Variants in ARHGAP24 observed in about 807,000 individuals in gnomAD.
The protein encoded by ARHGAP24 is Rho GTPase activating protein 24, also known as rho GTPase-activating protein 24.
Under a neutral mutation model 76.4 loss-of-function variants are expected in ARHGAP24, and 50 were observed. The observed-to-expected ratio is 0.65, with a 90% confidence interval of 0.52 to 0.83. ARHGAP24 has a LOEUF of 0.83. ARHGAP24 is among the 40% of genes least tolerant of loss of function. The pLI is 0.00. For missense variants in ARHGAP24, 930 were observed against 914.2 expected (o/e 1.02, Z -0.22); for synonymous variants, 345 against 323.3 (o/e 1.07, Z -0.72).
intron 2 of ARHGAP24, among the ~76,000 whole-genome samples, chr4:85,619,469 A>C (rs1275586467): frequency 2.6e-5 from 4 of 151,796 alleles, no homozygotes; most frequent in Non-Finnish European, 5.9e-5. Flanking sequence ...ATTCCTTATA[A>C]ATTTTAGGAC....
chr4:85,991,991 G>T (rs773118685), intron 8 of ARHGAP24: 11 of 392,686 alleles, frequency 2.8e-5, no homozygotes, highest in Admixed American at 1.3e-4. Context: ...GATGAAAAGT[G>T]CCTATTATGT....
intron 1 of ARHGAP24, among the ~76,000 whole-genome samples, chr4:85,564,970 A>ATATATAT (rs1553914962): frequency 5.2e-5 from 6 of 116,502 alleles, no homozygotes; most frequent in African/African-American, 2.0e-4. Context: ...ATATATATAT[A>ATATATAT]CCCACACCCA....
intron 2 of ARHGAP24, among the ~76,000 whole-genome samples, chr4:85,590,986 T>G (rs1441942974): frequency 6.6e-6 from 1 of 151,130 alleles, no homozygotes; most frequent in African/African-American, 2.4e-5. Context: ...CAAAAATTAT[T>G]TATAATGCCT....
At chr4:85,904,055 A>C (rs1734638840) in intron 3 of ARHGAP24, among the ~76,000 whole-genome samples, 1 of 152,230 alleles carries the variant, frequency 6.6e-6, no homozygotes, top group Non-Finnish European at 1.5e-5. Flanking sequence ...GATCATGTGC[A>C]ATCTCTAATT....
At chr4:85,939,028 G>A (rs932252180) in intron 4 of ARHGAP24, among the ~76,000 whole-genome samples, 8 of 152,030 alleles carry the variant, frequency 5.3e-5, no homozygotes, top group Non-Finnish European at 1.0e-4. Context: ...CCACCGCCTC[G>A]AACAAGCCTT....
chr4:85,835,846 C>T (rs1247762123), intron 3 of ARHGAP24, among the ~76,000 whole-genome samples: 1 of 151,844 alleles, frequency 6.6e-6, no homozygotes, highest in Non-Finnish European at 1.5e-5. Context: ...CCACCATGCC[C>T]GGCTAATTTT....
chr4:85,540,932 T>G (rs893625638), intron 1 of ARHGAP24, among the ~76,000 whole-genome samples: 14 of 126,904 alleles, frequency 1.1e-4, no homozygotes, highest in Middle Eastern at 7.4e-3. Flanking sequence ...AAAGGGAAGG[T>G]TTGTTACTGT....
intron 5 of ARHGAP24, among the ~76,000 whole-genome samples, chr4:85,966,120 T>C (rs780570331): frequency 6.6e-6 from 1 of 152,150 alleles, no homozygotes; most frequent in South Asian, 2.1e-4. Flanking sequence ...CTGACTGGAT[T>C]CTTGGACAAG....
chr4:85,820,960 C>T (rs1275171540), intron 3 of ARHGAP24, among the ~76,000 whole-genome samples: 1 of 151,882 alleles, frequency 6.6e-6, no homozygotes, highest in Non-Finnish European at 1.5e-5. Flanking sequence ...TTGAAAATAA[C>T]AAATATATAA....
At chr4:85,898,039 A>G (rs1366008285) in intron 3 of ARHGAP24, among the ~76,000 whole-genome samples, 14 of 18,254 alleles carry the variant, frequency 7.7e-4, no homozygotes, top group East Asian at 2.0e-3. Context: ...ATGTGTATAT[A>G]TATATATATA....
chr4:85,900,602 T>C (rs1439229422), intron 3 of ARHGAP24, among the ~76,000 whole-genome samples: 2 of 152,048 alleles, frequency 1.3e-5, no homozygotes, highest in Non-Finnish European at 2.9e-5. Context: ...TTTTTTGTAT[T>C]TTTATTAGAG....
At chr4:85,904,893 T>A (rs2148793964) in intron 3 of ARHGAP24, among the ~76,000 whole-genome samples, 1 of 152,334 alleles carries the variant, frequency 6.6e-6, no homozygotes, top group Middle Eastern at 3.4e-3. Flanking sequence ...ATGCTTTTTG[T>A]TGGTGAGTGA....
chr4:85,885,181 C>T (rs888893081), intron 3 of ARHGAP24, among the ~76,000 whole-genome samples: 3 of 152,154 alleles, frequency 2.0e-5, no homozygotes, highest in Non-Finnish European at 4.4e-5. Context: ...AGATTCATTA[C>T]GCTTCCTTTA....
At chr4:85,974,357 T>C (rs1325520113) in intron 6 of ARHGAP24, among the ~76,000 whole-genome samples, 1 of 152,224 alleles carries the variant, frequency 6.6e-6, no homozygotes, top group Non-Finnish European at 1.5e-5. Context: ...ATTTCTGCTA[T>C]CATTTACATT....
intron 1 of ARHGAP24, among the ~76,000 whole-genome samples, chr4:85,539,183 C>A (rs937324760): frequency 2.6e-5 from 4 of 152,116 alleles, no homozygotes; most frequent in Non-Finnish European, 5.9e-5. Context: ...AAACACAAAG[C>A]TACAAGATGG....
intron 3 of ARHGAP24, among the ~76,000 whole-genome samples, chr4:85,727,945 G>GA (rs1401594571): frequency 6.6e-6 from 1 of 150,882 alleles, no homozygotes; most frequent in East Asian, 1.9e-4. Flanking sequence ...AGTAGCCATG[G>GA]AAAAAAATAA....
chr4:85,727,428 C>A (rs1036809303), intron 3 of ARHGAP24, among the ~76,000 whole-genome samples: 1 of 151,908 alleles, frequency 6.6e-6, no homozygotes, highest in Non-Finnish European at 1.5e-5. Flanking sequence ...GATAGAGATG[C>A]CCACTTACAG....
At chr4:85,591,031 G>GTTTTTTTTTTT (rs35373441) in intron 2 of ARHGAP24, among the ~76,000 whole-genome samples, 3 of 62,610 alleles carry the variant, frequency 4.8e-5, no homozygotes, top group African/African-American at 6.8e-5. Flanking sequence ...AATCTGCTGG[G>GTTTTTTTTTTT]TTTTTTTTTT....
intron 3 of ARHGAP24, among the ~76,000 whole-genome samples, chr4:85,918,232 C>T (rs2148806769): frequency 6.6e-6 from 1 of 151,764 alleles, no homozygotes; most frequent in East Asian, 1.9e-4. Flanking sequence ...CACCTATATA[C>T]AAATTGAGAT....
Sources: allele counts gnomAD v4.1 joint callset (sites outside exome capture counted in the v4.1 genomes callset), GRCh38; gene constraint gnomAD v4.1.1; transcripts MANE v1.5; gene names NCBI Gene and HGNC (gene_info 2026-07-23, HGNC 2026-07-21).